Variants in CATSPERT observed in about 807,000 individuals in gnomAD.
CATSPERT encodes cation channel sperm-associated targeting subunit tau.
chr2:201,496,038 G>A, the CATSPERT span: 1 of 1,046,998 alleles, frequency 9.6e-7, no homozygotes, highest in Non-Finnish European at 1.4e-6. Context: ...TTTTATTCTT[G>A]CAATAGTTAT....
the CATSPERT span, among the ~76,000 whole-genome samples, chr2:201,548,800 G>C: frequency 2.0e-5 from 3 of 152,026 alleles, no homozygotes; most frequent in Non-Finnish European, 4.4e-5. Context: ...ATAAAATATA[G>C]TTTTAGTACA....
At chr2:201,547,940 T>C in the CATSPERT span, among the ~76,000 whole-genome samples, 277 of 152,284 alleles carry the variant, frequency 1.8e-3, 2 homozygotes, top group Non-Finnish European at 3.1e-3. Flanking sequence ...AGGCTATACA[T>C]ACTTGTTATA....
At chr2:201,611,017 T>C in the CATSPERT span, among the ~76,000 whole-genome samples, 5 of 152,226 alleles carry the variant, frequency 3.3e-5, no homozygotes, top group African/African-American at 9.6e-5. Context: ...GCTAACATCA[T>C]ACTGAATGGA....
At chr2:201,593,499 C>T in the CATSPERT span, among the ~76,000 whole-genome samples, 212 of 128,146 alleles carry the variant, frequency 1.7e-3, no homozygotes, top group Middle Eastern at 0.012. Flanking sequence ...CTATTAGGTC[C>T]GCTTGGTGCA....
the CATSPERT span, chr2:201,487,808 G>A: frequency 6.2e-7 from 1 of 1,614,080 alleles, no homozygotes; most frequent in Non-Finnish European, 8.5e-7. Context: ...GATATCATCT[G>A]AGCTTTTTCC....
At chr2:201,570,687 C>CA in the CATSPERT span, among the ~76,000 whole-genome samples, 821 of 152,242 alleles carry the variant, frequency 5.4e-3, 8 homozygotes, top group African/African-American at 0.019. Context: ...TTGCCCCTGC[C>CA]AACTCCTCTA....
chr2:201,607,716 T>TAA, the CATSPERT span, among the ~76,000 whole-genome samples: 1 of 152,148 alleles, frequency 6.6e-6, no homozygotes, highest in Non-Finnish European at 1.5e-5. Flanking sequence ...AATCAATACT[T>TAA]AAGAGTTTAC....
the CATSPERT span, among the ~76,000 whole-genome samples, chr2:201,559,472 C>T: frequency 6.6e-6 from 1 of 152,206 alleles, no homozygotes; most frequent in African/African-American, 2.4e-5. Context: ...GCCAGCTGAA[C>T]AGCTGTGTGC....
the CATSPERT span, among the ~76,000 whole-genome samples, chr2:201,573,626 C>T: frequency 0.055 from 8,376 of 152,228 alleles, 282 homozygotes; most frequent in African/African-American, 0.08. Context: ...ATTACATCAA[C>T]ATGTATGTGT....
the CATSPERT span, among the ~76,000 whole-genome samples, chr2:201,564,818 A>G: frequency 6.6e-6 from 1 of 152,236 alleles, no homozygotes; most frequent in Non-Finnish European, 1.5e-5. Context: ...ATAAAAGTCT[A>G]TTGTTCAAAC....
the CATSPERT span, chr2:201,535,869 G>C: frequency 6.6e-7 from 1 of 1,505,738 alleles, no homozygotes; most frequent in Non-Finnish European, 8.8e-7. Flanking sequence ...TCTTGGCTTT[G>C]AAAGCTACCT....
the CATSPERT span, chr2:201,545,623 TAGAAGC>T: frequency 2.1e-6 from 1 of 483,352 alleles, no homozygotes; most frequent in African/African-American, 4.0e-5. Context: ...ATTAGTTTCC[TAGAAGC>T]AAAAAAAAAA....
chr2:201,575,879 A>G, the CATSPERT span, among the ~76,000 whole-genome samples: 1 of 152,194 alleles, frequency 6.6e-6, no homozygotes, highest in Admixed American at 6.5e-5. Context: ...ATTTGCTTCC[A>G]CAAAACCAGT....
At chr2:201,580,324 T>C in the CATSPERT span, among the ~76,000 whole-genome samples, 25 of 152,232 alleles carry the variant, frequency 1.6e-4, no homozygotes, top group African/African-American at 5.3e-4. Context: ...CCTGCGCTGT[T>C]ACTACGGCAC....
chr2:201,619,130 T>C, the CATSPERT span: 1 of 1,614,062 alleles, frequency 6.2e-7, no homozygotes, highest in African/African-American at 1.3e-5. Flanking sequence ...GGTGGCTCCA[T>C]CTCTCCATCT....
At chr2:201,571,300 G>A in the CATSPERT span, among the ~76,000 whole-genome samples, 16 of 152,226 alleles carry the variant, frequency 1.1e-4, no homozygotes, top group Admixed American at 2.6e-4. Flanking sequence ...ACAATTTCCC[G>A]TTCAACACCT....
the CATSPERT span, among the ~76,000 whole-genome samples, chr2:201,581,543 T>A: frequency 2.0e-4 from 3 of 14,868 alleles, no homozygotes; most frequent in African/African-American, 5.2e-4. Flanking sequence ...TGGAAAAAAA[T>A]GTGTGTATAT....
the CATSPERT span, among the ~76,000 whole-genome samples, chr2:201,608,653 C>T: frequency 7.9e-4 from 120 of 151,930 alleles, no homozygotes; most frequent in African/African-American, 2.8e-3. Flanking sequence ...CACGTCTCTA[C>T]AAAATATATA....
the CATSPERT span, among the ~76,000 whole-genome samples, chr2:201,584,017 C>T: frequency 2.4e-4 from 36 of 152,100 alleles, no homozygotes; most frequent in Non-Finnish European, 1.9e-4. Context: ...GGAGAATTAA[C>T]GAACTAGAAT....
Sources: allele counts gnomAD v4.1 joint callset (sites outside exome capture counted in the v4.1 genomes callset), GRCh38; gene constraint gnomAD v4.1.1; transcripts MANE v1.5; gene names NCBI Gene and HGNC (gene_info 2026-07-23, HGNC 2026-07-21).